SHISA9: variants seen among roughly 807,000 people sequenced by gnomAD.
SHISA9 encodes protein shisa-9.
Under a neutral mutation model 38.0 loss-of-function variants are expected in SHISA9, and 13 were observed. The ratio of observed to expected loss-of-function variants is 0.34; its 90% CI spans 0.22 to 0.54. The LOEUF is 0.54. SHISA9 is among the 20% of genes least tolerant of loss of function. SHISA9 has a pLI of 0.91. For synonymous variants in SHISA9, 275 were observed against 242.0 expected (o/e 1.14, Z -1.27); for missense variants, 538 against 575.8 (o/e 0.93, Z 0.67).
the SHISA9 span, among the ~76,000 whole-genome samples, chr16:13,315,619 T>G: frequency 5.9e-5 from 9 of 152,220 alleles, no homozygotes; most frequent in Admixed American, 2.0e-4. Flanking sequence ...GCACCTTTAT[T>G]TTCTCATCTG....
chr16:13,036,498 C>T (rs769991406), intron 2 of SHISA9, among the ~76,000 whole-genome samples: 1 of 151,948 alleles, frequency 6.6e-6, no homozygotes, highest in African/African-American at 2.4e-5. Context: ...TGGGTGAGAT[C>T]TAATGAGACT....
At chr16:13,493,092 A>G in the SHISA9 span, among the ~76,000 whole-genome samples, 1 of 152,192 alleles carries the variant, frequency 6.6e-6, no homozygotes, top group Non-Finnish European at 1.5e-5. Flanking sequence ...AGGAGAAGGG[A>G]ATGTGTCATT....
the SHISA9 span, among the ~76,000 whole-genome samples, chr16:13,378,724 T>C: frequency 6.6e-6 from 1 of 152,224 alleles, no homozygotes; most frequent in Non-Finnish European, 1.5e-5. Flanking sequence ...GTGCAGTGTC[T>C]AGCACAATGT....
chr16:13,489,243 T>A, the SHISA9 span, among the ~76,000 whole-genome samples: 43,237 of 151,818 alleles, frequency 0.28, 6,749 homozygotes, highest in East Asian at 0.37. Flanking sequence ...TGAAGCAGGG[T>A]CTCACCATGT....
chr16:13,156,132 C>T (rs934782321), intron 2 of SHISA9, among the ~76,000 whole-genome samples: 14 of 152,132 alleles, frequency 9.2e-5, no homozygotes, highest in Non-Finnish European at 2.9e-5. Context: ...GGAAAGTGTG[C>T]CTTCCTGGCA....
the SHISA9 span, among the ~76,000 whole-genome samples, chr16:13,500,697 C>T: frequency 1.3e-5 from 2 of 152,042 alleles, no homozygotes; most frequent in Non-Finnish European, 2.9e-5. Context: ...TATGTAACTA[C>T]TGGTGTCTTA....
chr16:13,143,147 A>G (rs1005723882), intron 2 of SHISA9, among the ~76,000 whole-genome samples: 3 of 151,868 alleles, frequency 2.0e-5, no homozygotes, highest in Non-Finnish European at 4.4e-5. Flanking sequence ...GCTGGGATAC[A>G]GGCGTGTGCT....
intron 4 of SHISA9, among the ~76,000 whole-genome samples, chr16:13,232,335 G>C (rs1184800968): frequency 6.6e-6 from 1 of 152,060 alleles, no homozygotes; most frequent in East Asian, 1.9e-4. Flanking sequence ...ATTGTCAAAT[G>C]AAAAACAAAT....
chr16:13,264,713 G>C, the SHISA9 span, among the ~76,000 whole-genome samples: 1 of 151,930 alleles, frequency 6.6e-6, no homozygotes, highest in Non-Finnish European at 1.5e-5. Flanking sequence ...TCTGGTTTAG[G>C]AGTAATAATA....
the SHISA9 span, among the ~76,000 whole-genome samples, chr16:13,411,741 C>G: frequency 4.6e-5 from 7 of 152,226 alleles, no homozygotes; most frequent in African/African-American, 7.2e-5. Context: ...ACACAAGACA[C>G]TTCTGCTCAT....
chr16:13,305,711 G>A, the SHISA9 span, among the ~76,000 whole-genome samples: 6 of 152,200 alleles, frequency 3.9e-5, no homozygotes, highest in African/African-American at 7.2e-5. Context: ...AGCCTTGTGA[G>A]GGACCCCGAC....
intron 2 of SHISA9, among the ~76,000 whole-genome samples, chr16:13,020,851 C>A (rs2072843776): frequency 2.0e-5 from 3 of 152,176 alleles, no homozygotes; most frequent in African/African-American, 7.2e-5. Context: ...AATTGGATAA[C>A]CAGATTTCTG....
At chr16:13,335,532 C>A in the SHISA9 span, among the ~76,000 whole-genome samples, 1 of 152,140 alleles carries the variant, frequency 6.6e-6, no homozygotes, top group African/African-American at 2.4e-5. Context: ...ATGCAAAATT[C>A]TCTTTTGGGA....
At chr16:13,207,156 T>C (rs1168359140) in intron 3 of SHISA9, among the ~76,000 whole-genome samples, 3 of 152,142 alleles carry the variant, frequency 2.0e-5, no homozygotes, top group East Asian at 3.9e-4. Context: ...CCCAGCTACT[T>C]GGGAGGCTGA....
At chr16:12,995,068 T>A (rs993774120) in intron 2 of SHISA9, among the ~76,000 whole-genome samples, 4 of 151,972 alleles carry the variant, frequency 2.6e-5, no homozygotes, top group Admixed American at 6.6e-5. Flanking sequence ...AATAAAAAAA[T>A]TAATTAATTT....
At chr16:13,289,029 C>A in the SHISA9 span, among the ~76,000 whole-genome samples, 1 of 152,076 alleles carries the variant, frequency 6.6e-6, no homozygotes, top group South Asian at 2.1e-4. Context: ...ATCACCTAAG[C>A]CAATGAAAAC....
the SHISA9 span, among the ~76,000 whole-genome samples, chr16:13,367,985 C>T: frequency 2.6e-5 from 4 of 152,158 alleles, no homozygotes; most frequent in South Asian, 8.3e-4. Context: ...ATACATGTGC[C>T]ATGCTGGTGC....
At chr16:13,196,946 T>C (rs552155999) in intron 2 of SHISA9, among the ~76,000 whole-genome samples, 1 of 152,240 alleles carries the variant, frequency 6.6e-6, no homozygotes, top group South Asian at 2.1e-4. Flanking sequence ...ATACAAACAT[T>C]AGCCGGACAT....
intron 2 of SHISA9, among the ~76,000 whole-genome samples, chr16:13,063,015 T>C (rs199945103): frequency 0.027 from 4,163 of 152,110 alleles, 78 homozygotes; most frequent in East Asian, 0.059. Flanking sequence ...TCTTTTTTTT[T>C]CTTTTTTTTG....
Sources: allele counts gnomAD v4.1 joint callset (sites outside exome capture counted in the v4.1 genomes callset), GRCh38; gene constraint gnomAD v4.1.1; transcripts MANE v1.5; gene names NCBI Gene and HGNC (gene_info 2026-07-23, HGNC 2026-07-21).